SLC34A3: variants seen among roughly 807,000 people sequenced by gnomAD.
The protein encoded by SLC34A3 is sodium-dependent phosphate transport protein 2C.
In SLC34A3, 60 loss-of-function variants were observed where a neutral mutation model predicts 43.9. That is an observed-to-expected ratio of 1.37 (90% CI 1.11 to 1.70). The LOEUF (loss-of-function observed/expected upper bound fraction) is 1.70, where lower values mean the gene tolerates loss of function less well. Among genes scored for constraint, SLC34A3 ranks in the 40% most tolerant of loss-of-function variants. SLC34A3 has a pLI of 0.00. For missense variants in SLC34A3, 969 were observed against 823.8 expected (o/e 1.18, Z -2.16); for synonymous variants, 451 against 386.2 (o/e 1.17, Z -1.97).
At chr9:137,232,050 G>T in intron 2 of SLC34A3, 22 bp from the exon 3 acceptor site, 1 of 1,608,636 alleles carries the variant, frequency 6.2e-7, no homozygotes, top group Non-Finnish European at 8.5e-7. Flanking sequence ...GGAAACAGCC[G>T]TACTCAATTC....
chr9:137,234,422 C>A lies in SLC34A3; in HGVS notation c.1100C>A (p.Pro367His), dbSNP rs770417865. The change falls in exon 11 of 13, where the codon CCC becomes CAC. Residue 367 changes from proline to histidine, a missense_variant. Transcript: ENST00000673835. This position sits in a 1 kb window ranked among gnomAD's most constrained non-coding sequence, Gnocchi z 6.9. The part of the protein sequence containing the change: ...VVRTVINADF[P>H]FPLGWLGGYL... ...GACCCGGCATCCCCCACAGACTTCC[C>A]CTTCCCGCTGGGCTGGCTCGGCGGC... 1 of 1,598,886 alleles carries A rather than the reference C, an allele frequency of 6.3e-7. No individual in the cohort carries two copies. Among genetic ancestry groups the A allele is most frequent in the South Asian group, 1.1e-5 (1 of 90,942 alleles).
rs773353999 is a variant in SLC34A3 at position 137,234,154 on chromosome 9, G to T, written c.971G>T (p.Gly324Val). ...AGTELTDLAV[G>V]CILLAGSLLV... is the part of the protein sequence containing the mutation. The stretch of plus-strand genomic sequence containing the variant: ...ACGGAGCTCACGGACCTGGCCGTGG[G>T]CTGCATCCTGCTGGCCGGCTCCCTG... Residue 324 changes from glycine (G) to valine (V), a missense_variant, in exon 10 of 13, where the codon GGC (glycine) becomes GTC (valine). Coordinates refer to ENST00000673835, the MANE Select transcript of SLC34A3 (RefSeq NM_001177316.2). This position sits in a 1 kb window ranked among gnomAD's most constrained non-coding sequence, Gnocchi z 6.9. 3.7e-6 allele frequency: 6 copies of T among 1,600,630 alleles called. No individual in the cohort carries two copies.
chr9:137,232,522 G>C, intron 3 of SLC34A3, 53 bp from the exon 4 acceptor site: 1 of 1,606,504 alleles, frequency 6.2e-7, no homozygotes, highest in East Asian at 2.2e-5. Context: ...GCCTGGGAGG[G>C]AGACCTGTCA....
rs141734934 is a variant in SLC34A3 at position 137,232,892 on chromosome 9, C to T, written c.413C>T (p.Ser138Phe). The T allele has an allele frequency of 2.3e-4, 364 of 1,610,174 alleles. No homozygotes were observed. Among genetic ancestry groups the T allele is most frequent in the Non-Finnish European group, 2.7e-4 (321 of 1,178,710 alleles). ...GCCCTGGTGCAGAGTTCCAGCACGT[C>T]CTCCTCCATCGTGGTCAGCATGGTG... ...VTALVQSSST[S>F]SSIVVSMVAA... Residue 138 changes from serine to phenylalanine, a missense_variant, in exon 5 of 13, where the codon TCC becomes TTC. Ser to Phe is a radical substitution (Grantham distance 155). Transcript: ENST00000673835.
In SLC34A3 at chr9:137,236,077, G is replaced by A. The variant is rs1185672207; in HGVS notation, c.1461G>A (p.Val487=). 2 of 1,612,484 alleles carry A rather than the reference G, an allele frequency of 1.2e-6. No homozygotes were observed. The highest frequency in any genetic ancestry group is 1.1e-5 in the South Asian group (1 of 91,080). Residue 487 remains valine, a synonymous_variant, in exon 13 of 13, where the codon GTG becomes GTA. Coordinates refer to ENST00000673835, the MANE Select transcript of SLC34A3 (RefSeq NM_001177316.2). ...FGVVTARYRW[V]AGVYLLLGFL... is the part of the protein sequence containing the mutation. The stretch of plus-strand genomic sequence containing the variant: ...TGGTGACCGCCCGTTACCGCTGGGT[G>A]GCTGGGGTCTACCTGCTGCTCGGAT...
upstream of SLC34A3, among the ~76,000 whole-genome samples, chr9:137,230,457 C>T (rs866510867): frequency 3.3e-5 from 5 of 152,348 alleles, no homozygotes; most frequent in South Asian, 6.2e-4. Flanking sequence ...GGGCTTCCCT[C>T]CCCTGCTCTG....
intron 3 of SLC34A3, 145 bp downstream of exon 3, chr9:137,232,306 C>A: frequency 2.3e-6 from 2 of 864,022 alleles, no homozygotes; most frequent in Non-Finnish European, 3.7e-6. Flanking sequence ...GACACGTGTC[C>A]CTCAACCGGG....
At chr9:137,233,435 G>T (rs200033466) in intron 7 of SLC34A3, 31 bp downstream of exon 7, 1 of 1,590,260 alleles carries the variant, frequency 6.3e-7, no homozygotes, top group Non-Finnish European at 8.5e-7. Context: ...CGCCCAGAGA[G>T]CCTGAGCAGG....
rs1836478196 is a variant in SLC34A3 at position 137,234,575 on chromosome 9, T to C, written c.1211-32T>C. The C allele has an allele frequency of 1.1e-5, 18 of 1,610,820 alleles. No homozygotes were observed. The highest frequency in any genetic ancestry group is 1.5e-5 in the Non-Finnish European group (18 of 1,178,862). On this transcript the variant is annotated intron_variant, in intron 11 of 12. Coordinates refer to ENST00000673835, the MANE Select transcript of SLC34A3 (RefSeq NM_001177316.2). This position sits in a 1 kb window ranked among gnomAD's most constrained non-coding sequence, Gnocchi z 6.9. ...AGGCCTCGGGAACGGGGGCTCGGGC[T>C]GGGGTCCTGTGGTGACTCCCAGTTC...
rs767560546 is a variant in SLC34A3 at position 137,236,104 on chromosome 9, CCTG to C, written c.1496_1498del (p.Leu499del). On this transcript the variant is annotated inframe_deletion, in exon 13 of 13. Transcript: ENST00000673835. The stretch of plus-strand genomic sequence containing the variant: ...CTGGGGTCTACCTGCTGCTCGGATT[CCTG>C]CTGCTGCCCCTGGCGGCCTTCGGGC... The C allele has an allele frequency of 8.7e-6, 14 of 1,612,032 alleles. No individual in the cohort carries two copies. In the South Asian group the frequency reaches 1.3e-4, roughly 15 times the overall value.
Position 137,233,051 on chromosome 9 carries a change from G to A in SLC34A3, c.496G>A (p.Gly166Ser), listed in dbSNP as rs200536604. 84 of 1,611,782 alleles carry A rather than the reference G, an allele frequency of 5.2e-5. No individual in the cohort carries two copies. Among genetic ancestry groups the A allele is most frequent in the Admixed American group, 6.7e-5 (4 of 59,974 alleles). The change falls in exon 6 of 13, where the codon GGC (glycine) becomes AGC (serine). Residue 166 changes from glycine (G) to serine (S), a missense_variant. Gly to Ser is a moderately conservative substitution (Grantham distance 56). Transcript: ENST00000673835. ...SVPIIMGVNVGTSITSTLVSM... is the reference protein window; with the variant it reads ...SVPIIMGVNVSTSITSTLVSM... ...GCCCATCATCATGGGTGTCAACGTA[G>A]GCACATCCATCACCAGCACCCTGGT...
Position 137,234,767 on chromosome 9 carries a change from A to G in SLC34A3, c.1335+36A>G. 1 of 1,601,282 alleles carries G rather than the reference A, an allele frequency of 6.2e-7. No homozygotes were observed. Among genetic ancestry groups the G allele is most frequent in the Non-Finnish European group, 8.5e-7 (1 of 1,179,604 alleles). ...CCCTGCCCCGCTGCCAGAACTGGCC[A>G]GCTTCCTCTCAGCCCCACAGACAGG... On this transcript the variant is annotated intron_variant, in intron 12 of 12. Transcript: ENST00000673835. This position sits in a 1 kb window ranked among gnomAD's most constrained non-coding sequence, Gnocchi z 6.9.
In SLC34A3 at chr9:137,233,212, T is replaced by C. The variant is rs1428097016; in HGVS notation, c.564T>C (p.Ala188=). The C allele has an allele frequency of 6.3e-7, 1 of 1,578,442 alleles. No homozygotes were observed. Among genetic ancestry groups the C allele is most frequent in the Admixed American group, 1.8e-5 (1 of 55,770 alleles). Residue 188 remains alanine (A), a synonymous_variant, in exon 7 of 13, where the codon GCT becomes GCC. Coordinates refer to ENST00000673835, the MANE Select transcript of SLC34A3 (RefSeq NM_001177316.2). ...QSGDRDEFQR[A]FSGSAVHGIF... ...TGCCCACTCTCTGCGGCCACAGGGC[T>C]TTCAGCGGCTCGGCGGTGCACGGGA...
chr9:137,230,092 C>T (rs768487681), upstream of SLC34A3, among the ~76,000 whole-genome samples: 9 of 152,108 alleles, frequency 5.9e-5, no homozygotes, highest in Non-Finnish European at 1.2e-4. Flanking sequence ...AGCAGGGCAC[C>T]AGCAGCCCCT....
rs988058153 is a variant in SLC34A3 at position 137,234,854 on chromosome 9, C to T, written c.1335+123C>T. 2 of 1,454,250 alleles carry T rather than the reference C, an allele frequency of 1.4e-6. No homozygotes were observed. Among genetic ancestry groups the T allele is most frequent in the Non-Finnish European group, 9.4e-7 (1 of 1,062,376 alleles). The allele number at this position is 1,454,250 out of a possible 1,614,324, so 90.1% of individuals were successfully genotyped here. ...GCCCCCGCCTTCCTGGACCCCTTCC[C>T]TGGCCGCCAGCCTCAGCCCTGCTGC... is the stretch of plus-strand genomic sequence containing the variant. On this transcript the variant is annotated intron_variant, in intron 12 of 12. Transcript: ENST00000673835. The surrounding 1 kb of genome is among the most constrained non-coding windows in gnomAD (Gnocchi z 6.9).
At position 137,233,126 on chromosome 9, in the gene SLC34A3, G is replaced by A. The variant is rs781640430; in HGVS notation, c.560+11G>A. 8 of 1,605,186 alleles carry A rather than the reference G, an allele frequency of 5.0e-6. No homozygotes were observed. The African/African-American group carries it at 9.4e-5, about 19-fold the overall frequency. On this transcript the variant is annotated intron_variant, in intron 6 of 12. Transcript: ENST00000673835. ...GGATGAATTTCAGAGGTGAGTTGTG[G>A]GTGGAAGGGCTGGGCTGGGGCTGCA...
intron 7 of SLC34A3, 38 bp downstream of exon 7, chr9:137,233,442 C>G: frequency 6.3e-7 from 1 of 1,590,598 alleles, no homozygotes; most frequent in Non-Finnish European, 8.5e-7. Context: ...AGAGCCTGAG[C>G]AGGCCGGATG....
At position 137,232,883 on chromosome 9, in the gene SLC34A3, C is replaced by T. The variant is rs1564417052; in HGVS notation, c.404C>T (p.Ser135Phe). The T allele has an allele frequency of 1.2e-6, 2 of 1,611,166 alleles. No homozygotes were observed. Among genetic ancestry groups the T allele is most frequent in the Non-Finnish European group, 8.5e-7 (1 of 1,179,204 alleles). The change falls in exon 5 of 13, where the codon TCC (serine) becomes TTC (phenylalanine). Residue 135 changes from serine (S) to phenylalanine (F), a missense_variant. By Grantham distance (155) the Ser-to-Phe change is radical. Coordinates refer to ENST00000673835, the MANE Select transcript of SLC34A3 (RefSeq NM_001177316.2). Reference sequence around the variant, plus strand: ...CTGGTCACAGCCCTGGTGCAGAGTTCCAGCACGTCCTCCTCCATCGTGGTC... The same window carrying T: ...CTGGTCACAGCCCTGGTGCAGAGTTTCAGCACGTCCTCCTCCATCGTGGTC... ...GVLVTALVQS[S>F]STSSSIVVSM... is the part of the protein sequence containing the mutation.
In SLC34A3 at chr9:137,233,883, T is replaced by C. The variant is rs372167428; in HGVS notation, c.867T>C (p.Cys289=). ...CCCAGACCCAGGAGAACAGCAGCTG[T>C]GGCGCCTTCGGCCCGTGCACAGAGA... ...TGQPTQENSS[C]GAFGPCTEKN... Residue 289 remains cysteine (C), a synonymous_variant, in exon 9 of 13, where the codon TGT becomes TGC. Coordinates refer to ENST00000673835, the MANE Select transcript of SLC34A3 (RefSeq NM_001177316.2). 60 of 1,607,174 alleles carry C rather than the reference T, an allele frequency of 3.7e-5. No homozygotes were observed. The highest frequency in any genetic ancestry group is 6.7e-5 in the Admixed American group (4 of 59,658).
Sources: gnomAD v4.1 joint callset for allele counts (sites outside exome capture counted in the v4.1 genomes callset) on GRCh38, gnomAD v4.1.1 for gene constraint, Gnocchi (gnomAD v3.1) non-coding constraint, MANE v1.5 for transcripts, NCBI Gene and HGNC (gene_info 2026-07-23, HGNC 2026-07-21) for gene names.